FRMD5: variants seen among roughly 807,000 people sequenced by gnomAD.
FRMD5 encodes the protein FERM domain-containing protein 5.
A neutral mutation model predicts 69.0 loss-of-function variants in FRMD5; 20 were observed. That is an observed-to-expected ratio of 0.29 (90% CI 0.20 to 0.42). FRMD5 has a LOEUF of 0.42. FRMD5 is among the 10% of genes least tolerant of loss of function. The pLI is 1.00. For synonymous variants in FRMD5, 271 were observed against 260.1 expected (o/e 1.04, Z -0.40); for missense variants, 595 against 708.6 (o/e 0.84, Z 1.82).
At chr15:44,054,167 G>A (rs1892776251) in intron 1 of FRMD5, among the ~76,000 whole-genome samples, 1 of 152,186 alleles carries the variant, frequency 6.6e-6, no homozygotes, top group Non-Finnish European at 1.5e-5. Flanking sequence ...ATCTCTGGCA[G>A]TTATAGTAAA....
At chr15:44,016,733 C>T (rs576440312) in intron 1 of FRMD5, among the ~76,000 whole-genome samples, 2 of 143,444 alleles carry the variant, frequency 1.4e-5, no homozygotes, top group African/African-American at 5.1e-5. Context: ...AAAAACAAAA[C>T]AAAAAAAAAA....
At chr15:43,944,907 C>T (rs936058131) in intron 1 of FRMD5, among the ~76,000 whole-genome samples, 2 of 151,708 alleles carry the variant, frequency 1.3e-5, no homozygotes, top group African/African-American at 4.9e-5. Flanking sequence ...AAGCTGTGGC[C>T]TCTGTGGGTT....
chr15:44,001,013 G>T (rs12913809), intron 1 of FRMD5, among the ~76,000 whole-genome samples: 136,950 of 152,088 alleles, frequency 0.9, 62,244 homozygotes, highest in East Asian at 1. Context: ...TTCCCATTAA[G>T]AGTGTACAAG....
At chr15:43,979,739 T>G (rs2090519695) in intron 1 of FRMD5, among the ~76,000 whole-genome samples, 1 of 152,220 alleles carries the variant, frequency 6.6e-6, no homozygotes, top group African/African-American at 2.4e-5. Flanking sequence ...ATTTTCTGTT[T>G]CATAAAGAAT....
chr15:44,038,800 C>G (rs768144745), intron 1 of FRMD5, among the ~76,000 whole-genome samples: 2 of 151,992 alleles, frequency 1.3e-5, no homozygotes, highest in African/African-American at 2.4e-5. Flanking sequence ...GAGACTGTAC[C>G]GGGAGGAACA....
chr15:44,042,460 G>T (rs914056993), intron 1 of FRMD5, among the ~76,000 whole-genome samples: 1 of 152,082 alleles, frequency 6.6e-6, no homozygotes, highest in Non-Finnish European at 1.5e-5. Flanking sequence ...CCAAAACCTG[G>T]CAGAGACACA....
At chr15:44,064,150 G>T in intron 1 of FRMD5, 1 of 218,180 alleles carries the variant, frequency 4.6e-6, no homozygotes, top group South Asian at 6.9e-5. Flanking sequence ...TACTGGCACT[G>T]ACAAGGCTGT....
At chr15:44,150,483 T>C (rs1317089765) in intron 1 of FRMD5, among the ~76,000 whole-genome samples, 1 of 151,096 alleles carries the variant, frequency 6.6e-6, no homozygotes, top group Non-Finnish European at 1.5e-5. Context: ...TCTCAGGATA[T>C]AAAGTCAACA....
In FRMD5 at chr15:43,923,490, G is replaced by A. The variant is rs536877482; in HGVS notation, c.207+715C>T. 5.9e-5 allele frequency among the ~76,000 whole-genome samples: 9 copies of A among 152,220 alleles called. 1 individual carries two copies. The highest frequency in any genetic ancestry group is 4.1e-4 in the South Asian group (2 of 4,824). On this transcript the variant is annotated intron_variant, in intron 2 of 13. Transcript: ENST00000417257. ...GGAAGAAGGGTGTGGAGTGTGGAGC[G>A]GTAAGGAAAAGGAGAAGATTCTAGG...
intron 1 of FRMD5, among the ~76,000 whole-genome samples, chr15:44,155,256 A>AC (rs1000725530): frequency 3.3e-5 from 5 of 151,914 alleles, no homozygotes; most frequent in Non-Finnish European, 7.4e-5. Context: ...ACACGGTGAA[A>AC]CCCCGTCTCT....
At chr15:43,951,450 T>C (rs1382115841) in intron 1 of FRMD5, among the ~76,000 whole-genome samples, 2 of 151,230 alleles carry the variant, frequency 1.3e-5, no homozygotes, top group African/African-American at 4.9e-5. Flanking sequence ...AGAAAATATA[T>C]AATAAATTGC....
At chr15:44,120,448 T>C (rs1169193166) in intron 1 of FRMD5, among the ~76,000 whole-genome samples, 1 of 151,996 alleles carries the variant, frequency 6.6e-6, no homozygotes, top group Non-Finnish European at 1.5e-5. Context: ...AGAAGAAGAA[T>C]TATAGAATAA....
intron 1 of FRMD5, among the ~76,000 whole-genome samples, chr15:43,971,279 A>G (rs2090372990): frequency 6.6e-6 from 1 of 152,084 alleles, no homozygotes; most frequent in African/African-American, 2.4e-5. Flanking sequence ...CAAAAAAACA[A>G]AAAATAAAAA....
At chr15:44,191,938 A>ATCTATCTATC (rs2078203639) in intron 1 of FRMD5, among the ~76,000 whole-genome samples, 1 of 125,880 alleles carries the variant, frequency 7.9e-6, no homozygotes, top group African/African-American at 3.0e-5. Flanking sequence ...ATATATATAT[A>ATCTATCTATC]TATGTATCTC....
At chr15:44,197,084 C>T (rs1009695901), upstream of FRMD5, among the ~76,000 whole-genome samples, 12 of 151,720 alleles carry the variant, frequency 7.9e-5, no homozygotes, top group Non-Finnish European at 1.6e-4. Context: ...GCCCGTGGTC[C>T]CAGCTACTGG....
intron 1 of FRMD5, chr15:44,194,663 GCTCGAGGAACCAGGACGGGGCGCC>G: frequency 2.1e-6 from 1 of 465,220 alleles, no homozygotes; most frequent in East Asian, 4.6e-5. Context: ...ACTCGGGCGG[GCTCGAGGAACCAGGACGGGGCGCC>G]CTCACCCAGG....
chr15:43,989,283 G>A (rs936968560), intron 1 of FRMD5: 14 of 784,598 alleles, frequency 1.8e-5, no homozygotes, highest in South Asian at 2.7e-5. Context: ...TGGTGGTGCC[G>A]CCAGATAGCA....
At chr15:44,055,622 AC>A (rs1187489108) in intron 1 of FRMD5, among the ~76,000 whole-genome samples, 2 of 152,222 alleles carry the variant, frequency 1.3e-5, no homozygotes, top group Non-Finnish European at 2.9e-5. Context: ...TGAAAAAGCC[AC>A]CAAATAGGAA....
At chr15:43,954,466 C>G (rs1948444981) in intron 1 of FRMD5, among the ~76,000 whole-genome samples, 1 of 152,096 alleles carries the variant, frequency 6.6e-6, no homozygotes, top group South Asian at 2.1e-4. Context: ...AGTGACAGGA[C>G]AAAGTGAGAG....
Sources: allele counts gnomAD v4.1 joint callset (sites outside exome capture counted in the v4.1 genomes callset), GRCh38; gene constraint gnomAD v4.1.1; transcripts MANE v1.5; gene names NCBI Gene and HGNC (gene_info 2026-07-23, HGNC 2026-07-21).